Variants in EML6 observed in about 807,000 individuals in gnomAD.
EML6 encodes EMAP like 6, also known as echinoderm microtubule-associated protein-like 6.
In EML6, 154 loss-of-function variants were observed where a neutral mutation model predicts 240.1. The observed-to-expected ratio is 0.64, with a 90% CI of 0.56 to 0.73. The LOEUF is 0.73. Among genes scored for constraint, EML6 ranks in the 30% least tolerant of loss-of-function variants. EML6 has a pLI of 0.00. For missense variants in EML6, 2,964 were observed against 2,474.6 expected (o/e 1.20, Z -4.20); for synonymous variants, 1,148 against 899.0 (o/e 1.28, Z -4.95).
intron 28 of EML6, among the ~76,000 whole-genome samples, chr2:54,938,352 G>A (rs917281814): frequency 6.6e-6 from 1 of 152,170 alleles, no homozygotes; most frequent in Non-Finnish European, 1.5e-5. Flanking sequence ...TATGCAGAAA[G>A]CTATAGATAC....
At chr2:54,823,826 G>A (rs1312708215) in intron 5 of EML6, among the ~76,000 whole-genome samples, 2 of 121,162 alleles carry the variant, frequency 1.7e-5, no homozygotes, top group Admixed American at 1.9e-4. Flanking sequence ...TCTCCCTGAG[G>A]CTGAATTAAT....
rs1671902009 is a variant in EML6 at position 54,882,866 on chromosome 2, A to AAAAAAAAAAAAAAAAAAAAAAAAAAAAAT, written c.2438+3234_2438+3235insAAAAAAAAAAAAAAAAAAAATAAAAAAAA. 2 of 137,482 alleles carry AAAAAAAAAAAAAAAAAAAAAAAAAAAAAT rather than the reference A, an allele frequency of 1.5e-5. 1 individual carries two copies. The highest frequency in any genetic ancestry group is 3.2e-5 in the Non-Finnish European group (2 of 63,058). The allele number at this position is 137,482 out of a possible 1,614,324, so 8.5% of individuals were successfully genotyped here. On this transcript the variant is annotated intron_variant, in intron 17 of 41. Coordinates refer to ENST00000356458, the MANE Select transcript of EML6 (RefSeq NM_001039753.4). ...GAGCCAGACTCCGTCTCAAAAAAAA[A>AAAAAAAAAAAAAAAAAAAAAAAAAAAAAT]AAAAAAAAGAAAGCTTAGGGACACA...
At chr2:54,945,485 T>C (rs1558713495) in intron 28 of EML6, among the ~76,000 whole-genome samples, 1 of 151,960 alleles carries the variant, frequency 6.6e-6, no homozygotes, top group Admixed American at 6.6e-5. Flanking sequence ...TTCCCCACAC[T>C]CACACCCACA....
At chr2:54,952,159 G>C (rs1676012763) in intron 30 of EML6, among the ~76,000 whole-genome samples, 1 of 152,186 alleles carries the variant, frequency 6.6e-6, no homozygotes, top group Non-Finnish European at 1.5e-5. Flanking sequence ...ACATGAAGAA[G>C]TGGTACCATT....
intron 2 of EML6, among the ~76,000 whole-genome samples, chr2:54,768,079 T>C (rs917484860): frequency 1.3e-5 from 2 of 152,184 alleles, no homozygotes; most frequent in Non-Finnish European, 2.9e-5. Flanking sequence ...AAAGGGAACA[T>C]TGTAGATGAG....
chr2:54,855,182 T>C (rs908444827), intron 11 of EML6, among the ~76,000 whole-genome samples: 2 of 152,184 alleles, frequency 1.3e-5, no homozygotes, highest in African/African-American at 4.8e-5. Context: ...TTTAATTGGC[T>C]CACGGTTTTG....
chr2:54,877,447 T>C (rs893438657), intron 16 of EML6, among the ~76,000 whole-genome samples: 4 of 94,280 alleles, frequency 4.2e-5, no homozygotes, highest in African/African-American at 2.0e-4. Context: ...GTGATAAGAT[T>C]ATTAAAAGTC....
chr2:54,953,357 C>A (rs1320050838), intron 31 of EML6, among the ~76,000 whole-genome samples: 2 of 152,192 alleles, frequency 1.3e-5, no homozygotes, highest in Admixed American at 6.5e-5. Flanking sequence ...ATCTGCAGAG[C>A]AAAATCATGT....
intron 10 of EML6, among the ~76,000 whole-genome samples, chr2:54,851,448 G>T (rs992992805): frequency 1.4e-4 from 21 of 152,124 alleles, no homozygotes; most frequent in African/African-American, 5.1e-4. Flanking sequence ...TAGAAAAAAA[G>T]CCCAATGGAT....
intron 21 of EML6, among the ~76,000 whole-genome samples, chr2:54,896,449 C>A (rs546164610): frequency 1.3e-5 from 2 of 152,208 alleles, no homozygotes; most frequent in African/African-American, 4.8e-5. Flanking sequence ...TGTAACAGAA[C>A]CTTTTAGGAG....
intron 35 of EML6, among the ~76,000 whole-genome samples, chr2:54,961,829 C>A (rs1272160480): frequency 6.6e-6 from 1 of 151,718 alleles, no homozygotes; most frequent in East Asian, 2.0e-4. Flanking sequence ...TATGGTAAAA[C>A]CCCATCTCTA....
At chr2:54,943,610 C>A (rs549132195) in intron 28 of EML6, among the ~76,000 whole-genome samples, 96 of 152,228 alleles carry the variant, frequency 6.3e-4, no homozygotes, top group Non-Finnish European at 8.8e-4. Flanking sequence ...CTCTTTAACC[C>A]CTGAGTCCAG....
At chr2:54,848,588 C>T (rs917789822) in intron 9 of EML6, among the ~76,000 whole-genome samples, 1 of 149,192 alleles carries the variant, frequency 6.7e-6, no homozygotes, top group South Asian at 2.1e-4. Flanking sequence ...CATTCTAGTA[C>T]ACCATAATGC....
chr2:54,882,410 A>G (rs558128838), intron 17 of EML6: 2 of 152,124 alleles, frequency 1.3e-5, no homozygotes, highest in Non-Finnish European at 2.9e-5. Flanking sequence ...AGAATAATGC[A>G]ATGATTAATC....
chr2:54,934,993 GTT>G (rs992587942), intron 28 of EML6, among the ~76,000 whole-genome samples: 1 of 152,164 alleles, frequency 6.6e-6, no homozygotes, highest in African/African-American at 2.4e-5. Flanking sequence ...CTGAGTATGA[GTT>G]AATTTATTAT....
At chr2:54,803,636 C>G (rs970286732) in intron 2 of EML6, among the ~76,000 whole-genome samples, 2 of 152,186 alleles carry the variant, frequency 1.3e-5, no homozygotes, top group African/African-American at 2.4e-5. Flanking sequence ...TAAAGATGAA[C>G]TCTGCATGAT....
At chr2:54,789,262 C>A (rs1407751257) in intron 2 of EML6, among the ~76,000 whole-genome samples, 1 of 151,952 alleles carries the variant, frequency 6.6e-6, no homozygotes, top group Non-Finnish European at 1.5e-5. Context: ...GCTTGTAATC[C>A]CAGCACTTTG....
intron 26 of EML6, among the ~76,000 whole-genome samples, chr2:54,923,975 A>G (rs184568176): frequency 1.6e-4 from 24 of 152,366 alleles, no homozygotes; most frequent in Admixed American, 9.8e-4. Context: ...TCATTTTCAT[A>G]GCTGAGTAGA....
At chr2:54,762,211 T>C (rs1160069306) in intron 2 of EML6, among the ~76,000 whole-genome samples, 1 of 152,206 alleles carries the variant, frequency 6.6e-6, no homozygotes, top group African/African-American at 2.4e-5. Flanking sequence ...CCAGTTCTTT[T>C]ACTGAATGTC....
Sources: gnomAD v4.1 joint callset for allele counts (sites outside exome capture counted in the v4.1 genomes callset) on GRCh38, gnomAD v4.1.1 for gene constraint, MANE v1.5 for transcripts, NCBI Gene and HGNC (gene_info 2026-07-23, HGNC 2026-07-21) for gene names.